PRKX: variants seen among roughly 807,000 people sequenced by gnomAD.
PRKX encodes the protein cAMP-dependent protein kinase catalytic subunit PRKX.
PRKX carries 12 observed loss-of-function variants against 22.0 expected under a neutral mutation model. The observed-to-expected ratio is 0.54, with a 90% CI of 0.35 to 0.88. The LOEUF (loss-of-function observed/expected upper bound fraction) is 0.88. Among genes scored for constraint, PRKX ranks in the 40% least tolerant of loss-of-function variants. The pLI is 0.01. For missense variants in PRKX, 217 were observed against 308.0 expected (o/e 0.70, Z 2.21); for synonymous variants, 134 against 137.7 (o/e 0.97, Z 0.19).
chrX:3,630,360 A>G (rs1169559950), intron 4 of PRKX, among the ~76,000 whole-genome samples: 3 of 111,278 alleles, frequency 2.7e-5, no homozygotes, highest in Admixed American at 9.6e-5. Context: ...GGAGATCGAG[A>G]CCATCCTGGC....
intron 6 of PRKX, among the ~76,000 whole-genome samples, chrX:3,617,152 TTA>T (rs1926440587): frequency 3.7e-5 from 2 of 54,115 alleles, no homozygotes; most frequent in Non-Finnish European, 6.8e-5. Context: ...ATACACATAC[TTA>T]TATACATACA....
intron 3 of PRKX, among the ~76,000 whole-genome samples, chrX:3,652,484 T>G (rs1927356946): frequency 9.2e-6 from 1 of 108,687 alleles, no homozygotes; most frequent in Non-Finnish European, 1.9e-5. Context: ...CTTGGGAGGC[T>G]GAGGCAGGAG....
chrX:3,710,786 G>A (rs1376680793), intron 1 of PRKX, among the ~76,000 whole-genome samples: 1 of 111,658 alleles, frequency 9.0e-6, no homozygotes, highest in African/African-American at 3.3e-5. Context: ...CTTGTTTGGG[G>A]CCTGAGAGAA....
chrX:3,661,969 A>G (rs1927604344), intron 2 of PRKX, among the ~76,000 whole-genome samples: 1 of 112,192 alleles, frequency 8.9e-6, no homozygotes, highest in Non-Finnish European at 1.9e-5. Context: ...TCAGCAATCA[A>G]TGAATTCATC....
rs9699101 is a variant in PRKX, at chrX:3,681,783, C to G, written c.167-7017G>C. Among the ~76,000 whole-genome samples, 927 of 109,875 alleles carry G rather than the reference C, an allele frequency of 8.4e-3. 9 individuals are homozygous for G. The highest frequency in any genetic ancestry group is 0.029 in the African/African-American group (893 of 30,396). On this transcript the variant is annotated intron_variant, in intron 1 of 8. Transcript: ENST00000262848. ...CATTTCTCACTGTGAAAAGAGATGG[C>G]CTTTTCCTCTCTTCCTCAAGCCCAG...
At chrX:3,654,527 T>C (rs1927438921) in intron 3 of PRKX, among the ~76,000 whole-genome samples, 1 of 100,586 alleles carries the variant, frequency 9.9e-6, no homozygotes, top group Admixed American at 1.2e-4. Context: ...CAGGCTGGAG[T>C]GCAGTGGTAT....
intron 6 of PRKX, among the ~76,000 whole-genome samples, chrX:3,619,723 T>C (rs182098174): frequency 9.0e-6 from 1 of 111,367 alleles, no homozygotes; most frequent in East Asian, 2.9e-4. Context: ...GTCTCCAGGA[T>C]GGGGAAAGCA....
chrX:3,613,132 C>T (rs1215713052), intron 7 of PRKX, among the ~76,000 whole-genome samples: 2 of 73,444 alleles, frequency 2.7e-5, no homozygotes, highest in Non-Finnish European at 5.2e-5. Flanking sequence ...GCCTGGGCAA[C>T]GGAGCAAGAC....
chrX:3,644,463 G>A (rs1262762693), intron 3 of PRKX, among the ~76,000 whole-genome samples: 2 of 106,719 alleles, frequency 1.9e-5, no homozygotes, highest in Non-Finnish European at 3.9e-5. Context: ...AGGAAACCAG[G>A]AAAGAAGACA....
intron 3 of PRKX, among the ~76,000 whole-genome samples, chrX:3,652,984 G>C (rs1927368770): frequency 9.0e-6 from 1 of 111,377 alleles, no homozygotes; most frequent in Non-Finnish European, 1.9e-5. Flanking sequence ...ATGACAGTGA[G>C]AGGAAAAGGT....
chrX:3,632,775 G>A (rs1357844019), intron 4 of PRKX, among the ~76,000 whole-genome samples: 1 of 112,164 alleles, frequency 8.9e-6, no homozygotes, highest in Non-Finnish European at 1.9e-5. Context: ...CATACAGACT[G>A]CTTCCAATTC....
chrX:3,662,634 G>A (rs1226957013), intron 2 of PRKX, among the ~76,000 whole-genome samples: 2 of 98,365 alleles, frequency 2.0e-5, no homozygotes, highest in Non-Finnish European at 4.0e-5. Flanking sequence ...GGCGGAGCTT[G>A]CAGTGAACCA....
At chrX:3,636,884 G>A (rs190098325) in intron 4 of PRKX, among the ~76,000 whole-genome samples, 2 of 108,435 alleles carry the variant, frequency 1.8e-5, no homozygotes, top group African/African-American at 3.4e-5. Context: ...AGCCAAGATT[G>A]TGCCACTGCA....
chrX:3,614,986 T>C (rs1926386046), intron 7 of PRKX, among the ~76,000 whole-genome samples: 1 of 106,512 alleles, frequency 9.4e-6, no homozygotes, highest in Non-Finnish European at 1.9e-5. Context: ...AATGGACAAG[T>C]ATTATACATT....
At chrX:3,659,720 T>TTTG (rs1569053360) in intron 2 of PRKX, among the ~76,000 whole-genome samples, 3 of 28,657 alleles carry the variant, frequency 1.0e-4, no homozygotes, top group African/African-American at 3.9e-4. Flanking sequence ...TTTTTTTGTT[T>TTTG]TTTTTTTTGT....
chrX:3,643,357 G>C (rs1927124753), intron 3 of PRKX, among the ~76,000 whole-genome samples: 1 of 111,713 alleles, frequency 9.0e-6, no homozygotes. Flanking sequence ...GGCTGAACCT[G>C]CATTTTGGTT....
intron 5 of PRKX, among the ~76,000 whole-genome samples, chrX:3,623,449 G>A (rs1035736376): frequency 2.7e-5 from 3 of 110,473 alleles, no homozygotes; most frequent in Non-Finnish European, 5.7e-5. Context: ...CCAGTTACTC[G>A]GGAGGCTGAG....
chrX:3,680,540 G>T (rs1300876400), intron 1 of PRKX, among the ~76,000 whole-genome samples: 1 of 111,849 alleles, frequency 8.9e-6, no homozygotes, highest in African/African-American at 3.2e-5. Flanking sequence ...AACTTTCCCA[G>T]AAAAATGCCA....
At chrX:3,695,990 A>G (rs1329861577) in intron 1 of PRKX, among the ~76,000 whole-genome samples, 1 of 111,122 alleles carries the variant, frequency 9.0e-6, no homozygotes. Flanking sequence ...AGAAAACCCT[A>G]CTGGTGAAAG....
Sources: allele counts gnomAD v4.1 joint callset (sites outside exome capture counted in the v4.1 genomes callset), GRCh38; gene constraint gnomAD v4.1.1; transcripts MANE v1.5; gene names NCBI Gene and HGNC (gene_info 2026-07-23, HGNC 2026-07-21).